Variants in BTG4 observed in about 807,000 individuals in gnomAD.
BTG4 encodes BTG anti-proliferation factor 4.
Under a neutral mutation model 19.3 loss-of-function variants are expected in BTG4, and 10 were observed. The observed-to-expected ratio is 0.52, with a 90% CI of 0.32 to 0.88. The LOEUF is 0.88. BTG4 is among the 40% of genes least tolerant of loss of function. The pLI, the probability that BTG4 is intolerant of heterozygous loss-of-function variation, is 0.04. For synonymous variants in BTG4, 91 were observed against 95.7 expected (o/e 0.95, Z 0.29); for missense variants, 238 against 281.9 (o/e 0.84, Z 1.11).
the BTG4 span, among the ~76,000 whole-genome samples, chr11:111,442,188 C>G: frequency 2.6e-5 from 4 of 151,982 alleles, no homozygotes; most frequent in Non-Finnish European, 5.9e-5. Context: ...ATGGCCAATT[C>G]TAGGACGGGG....
At chr11:111,449,353 C>T in the BTG4 span, 24 of 150,234 alleles carry the variant, frequency 1.6e-4, no homozygotes, top group Non-Finnish European at 5.9e-5. Flanking sequence ...GTCGGTACCC[C>T]TGCCTCCCGG....
the BTG4 span, chr11:111,455,757 G>T: frequency 4.5e-6 from 2 of 446,210 alleles, no homozygotes; most frequent in Non-Finnish European, 9.1e-6. Context: ...GCCCCTGCAG[G>T]GCAGTTCCCC....
chr11:111,498,552 G>A, intron 2 of BTG4, 52 bp downstream of exon 2: 1 of 1,485,744 alleles, frequency 6.7e-7, no homozygotes. Flanking sequence ...CTAGGAGCTG[G>A]CTGGTTGCTT....
In BTG4 at chr11:111,510,261, G is replaced by C. The variant is rs1433820867; in HGVS notation, c.-27+1920C>G. Among the ~76,000 whole-genome samples the C allele has an allele frequency of 2.6e-5, 4 of 152,098 alleles. No individual in the cohort carries two copies. The South Asian group carries it at 8.3e-4, about 32-fold the overall frequency. ...TCCCATCAATCTAGTCTTGTATCTA[G>C]AAGTGGTAAATTAAGTCAATATAAA... On this transcript the variant is annotated intron_variant, in intron 1 of 4. Transcript: ENST00000692032.
chr11:111,426,469 A>G, the BTG4 span, among the ~76,000 whole-genome samples: 1 of 152,224 alleles, frequency 6.6e-6, no homozygotes, highest in Admixed American at 6.5e-5. Context: ...TGCATGGCAA[A>G]TATGGCAGGG....
downstream of BTG4, among the ~76,000 whole-genome samples, chr11:111,492,343 A>AT (rs1425550132): frequency 2.0e-5 from 3 of 152,146 alleles, no homozygotes; most frequent in Non-Finnish European, 4.4e-5. Context: ...ATTATGTTGC[A>AT]TTTTTTATCT....
chr11:111,505,598 A>T (rs962131169), intron 1 of BTG4, among the ~76,000 whole-genome samples: 1 of 152,088 alleles, frequency 6.6e-6, no homozygotes, highest in Non-Finnish European at 1.5e-5. Context: ...AAGATTCCAA[A>T]CACAAACGCA....
chr11:111,466,604 T>G (rs1001312992), downstream of BTG4: 1 of 152,128 alleles, frequency 6.6e-6, no homozygotes, highest in East Asian at 1.9e-4. Flanking sequence ...GATGGATGGG[T>G]GGGTGGATGG....
the BTG4 span, among the ~76,000 whole-genome samples, chr11:111,428,281 G>C: frequency 6.6e-6 from 1 of 151,924 alleles, no homozygotes; most frequent in African/African-American, 2.4e-5. Flanking sequence ...TGAAGGAACT[G>C]AGTTCCCTTT....
chr11:111,465,652 G>C (rs544424764), downstream of BTG4, among the ~76,000 whole-genome samples: 1 of 152,110 alleles, frequency 6.6e-6, no homozygotes, highest in Non-Finnish European at 1.5e-5. Flanking sequence ...TGCTCCTCAC[G>C]TGCTTCCTCA....
the BTG4 span, chr11:111,404,487 A>T: frequency 1.6e-5 from 7 of 428,702 alleles, no homozygotes; most frequent in Admixed American, 1.8e-4. Context: ...CTAGGTCCCT[A>T]GAGAGGTGAA....
chr11:111,419,097 T>A, the BTG4 span, among the ~76,000 whole-genome samples: 1 of 152,216 alleles, frequency 6.6e-6, no homozygotes. Context: ...GGCCTACTCA[T>A]ATGACCTCAT....
At chr11:111,451,389 A>C in the BTG4 span, 19 of 453,884 alleles carry the variant, frequency 4.2e-5, no homozygotes, top group Admixed American at 1.4e-4. Flanking sequence ...TCGTCTGAGC[A>C]GCAACCGACA....
At chr11:111,478,082 A>G (rs1171033010) in intron 5 of BTG4, among the ~76,000 whole-genome samples, 1 of 152,080 alleles carries the variant, frequency 6.6e-6, no homozygotes, top group East Asian at 1.9e-4. Context: ...CACACCTGGC[A>G]GTAATAACCT....
chr11:111,458,727 AG>A, the BTG4 span, among the ~76,000 whole-genome samples: 1 of 152,212 alleles, frequency 6.6e-6, no homozygotes, highest in African/African-American at 2.4e-5. Context: ...ATACAAGGAA[AG>A]GCAAGGAGAA....
At chr11:111,423,266 A>T in the BTG4 span, among the ~76,000 whole-genome samples, 1 of 152,274 alleles carries the variant, frequency 6.6e-6, no homozygotes, top group South Asian at 2.1e-4. Context: ...CTCCCCTAGA[A>T]ATTAGATTCT....
chr11:111,450,661 C>CAG, the BTG4 span: 1 of 152,246 alleles, frequency 6.6e-6, no homozygotes, highest in Non-Finnish European at 1.5e-5. Context: ...ACGTGCAAAC[C>CAG]AGGCTGAACA....
intron 1 of BTG4, among the ~76,000 whole-genome samples, chr11:111,499,529 A>AT (rs1396624108): frequency 1.3e-5 from 2 of 152,158 alleles, no homozygotes; most frequent in African/African-American, 4.8e-5. Context: ...CTGGATCTAT[A>AT]TTTTCTATTT....
chr11:111,417,453 A>T, the BTG4 span: 1 of 150,474 alleles, frequency 6.6e-6, no homozygotes, highest in African/African-American at 2.5e-5. Flanking sequence ...GGAGGAGGGG[A>T]CCCTCCTCAA....
Sources: gnomAD v4.1 joint callset for allele counts (sites outside exome capture counted in the v4.1 genomes callset) on GRCh38, gnomAD v4.1.1 for gene constraint, MANE v1.5 for transcripts, NCBI Gene and HGNC (gene_info 2026-07-23, HGNC 2026-07-21) for gene names.